Variants in CSMD1 observed in about 807,000 individuals in gnomAD.
The protein encoded by CSMD1 is CUB and Sushi multiple domains 1.
CSMD1 carries 213 observed loss-of-function variants against 417.5 expected under a neutral mutation model. The ratio of observed to expected loss-of-function variants is 0.51; its 90% CI spans 0.46 to 0.57. The LOEUF (loss-of-function observed/expected upper bound fraction) is 0.57, where lower values mean the gene tolerates loss of function less well. Among genes scored for constraint, CSMD1 ranks in the 20% least tolerant of loss-of-function variants. The pLI is 0.00. For missense variants in CSMD1, 6,923 were observed against 4,529.7 expected (o/e 1.53, Z -15.17); for synonymous variants, 2,862 against 1,736.8 (o/e 1.65, Z -16.11).
intron 10 of CSMD1, among the ~76,000 whole-genome samples, chr8:3,509,703 G>A (rs1394636131): frequency 6.6e-6 from 1 of 152,100 alleles, no homozygotes; most frequent in Non-Finnish European, 1.5e-5. Context: ...CAACTGCAGG[G>A]CTATTTGCTT....
At chr8:3,542,363 ATTAG>A (rs1166969083) in intron 10 of CSMD1, among the ~76,000 whole-genome samples, 1 of 152,166 alleles carries the variant, frequency 6.6e-6, no homozygotes, top group East Asian at 1.9e-4. Flanking sequence ...AAGATAGGTA[ATTAG>A]TTATTTTATT....
In CSMD1 at chr8:3,772,213, CA is replaced by C. The variant is rs1563063707; in HGVS notation, c.819-18172del. 9.1e-5 allele frequency among the ~76,000 whole-genome samples: 12 copies of C among 132,112 alleles called. 1 individual carries two copies. Among genetic ancestry groups the C allele is most frequent in the African/African-American group, 3.0e-4 (11 of 36,676 alleles). 86.7% of individuals were successfully genotyped at this position (132,112 alleles called of 152,430 possible). On this transcript the variant is annotated intron_variant, in intron 5 of 69. Coordinates refer to ENST00000635120, the MANE Select transcript of CSMD1 (RefSeq NM_033225.6). ...ATACACACACACACACACACACACACACATATAATACACACACATATTTATA... is the reference window on the plus strand; with the variant it reads ...ATACACACACACACACACACACACACCATATAATACACACACATATTTATA...
intron 3 of CSMD1, among the ~76,000 whole-genome samples, chr8:4,123,420 G>A (rs962750167): frequency 2.0e-5 from 3 of 152,078 alleles, no homozygotes; most frequent in Non-Finnish European, 2.9e-5. Flanking sequence ...TTGCTTTACT[G>A]TTTCTTAAAT....
At position 3,078,997 on chromosome 8, in the gene CSMD1, A is replaced by C. The variant is rs536820588; in HGVS notation, c.7474+8100T>G. 1.1e-4 allele frequency among the ~76,000 whole-genome samples: 16 copies of C among 152,288 alleles called. No homozygotes were observed. In the South Asian group the frequency reaches 3.1e-3, roughly 30 times the overall value. On this transcript the variant is annotated intron_variant, in intron 49 of 69. Coordinates refer to ENST00000635120, the MANE Select transcript of CSMD1 (RefSeq NM_033225.6). The stretch of plus-strand genomic sequence containing the variant: ...GGGGAGCACCTTTATGCCCATTTGC[A>C]GATAAAGAACTTCAGTGAAGTCACT...
intron 37 of CSMD1, among the ~76,000 whole-genome samples, chr8:3,172,175 C>T (rs1380665162): frequency 1.3e-5 from 2 of 152,158 alleles, no homozygotes; most frequent in African/African-American, 2.4e-5. Flanking sequence ...GCTCTTGCCC[C>T]CTTTTTCAAC....
intron 2 of CSMD1, among the ~76,000 whole-genome samples, chr8:4,444,968 A>T (rs566066754): frequency 6.6e-6 from 1 of 152,212 alleles, no homozygotes; most frequent in African/African-American, 2.4e-5. Context: ...CCACTGTGTT[A>T]AAGAAATGTT....
At chr8:3,431,883 G>C (rs1044282473) in intron 12 of CSMD1, among the ~76,000 whole-genome samples, 5 of 152,216 alleles carry the variant, frequency 3.3e-5, no homozygotes, top group African/African-American at 1.2e-4. Flanking sequence ...TAAGATATCG[G>C]CTGCTCTTCT....
intron 26 of CSMD1, among the ~76,000 whole-genome samples, chr8:3,256,321 A>G (rs76965489): frequency 2.1e-5 from 2 of 96,424 alleles, no homozygotes; most frequent in African/African-American, 7.0e-5. Flanking sequence ...AAAAAAAAAA[A>G]AAAAGAGAAG....
chr8:4,828,745 G>A (rs1014093243), intron 1 of CSMD1, among the ~76,000 whole-genome samples: 2 of 152,086 alleles, frequency 1.3e-5, no homozygotes. Context: ...TCATTTGGAG[G>A]TACATTACCT....
chr8:4,387,759 C>G (rs1803554121), intron 3 of CSMD1, among the ~76,000 whole-genome samples: 1 of 151,944 alleles, frequency 6.6e-6, no homozygotes. Flanking sequence ...TTCAAAAATC[C>G]TATCTGAAGG....
chr8:4,705,081 G>T (rs916438398), intron 1 of CSMD1, among the ~76,000 whole-genome samples: 1 of 152,010 alleles, frequency 6.6e-6, no homozygotes, highest in East Asian at 1.9e-4. Context: ...CAGATATGAT[G>T]GTTTTATAAG....
At chr8:3,689,172 A>G (rs1449709309) in intron 7 of CSMD1, among the ~76,000 whole-genome samples, 1 of 152,200 alleles carries the variant, frequency 6.6e-6, no homozygotes, top group African/African-American at 2.4e-5. Context: ...GGTTGGGAAC[A>G]TGTCATGACT....
chr8:4,788,576 T>A (rs933281866), intron 1 of CSMD1: 7 of 1,316,082 alleles, frequency 5.3e-6, no homozygotes, highest in African/African-American at 1.5e-5. Context: ...AATCAGAGAA[T>A]GTAATTTATA....
At chr8:4,337,891 A>T (rs1178953514) in intron 3 of CSMD1, among the ~76,000 whole-genome samples, 2 of 152,154 alleles carry the variant, frequency 1.3e-5, no homozygotes, top group African/African-American at 4.8e-5. Flanking sequence ...CTTCAGCTTA[A>T]GACAAAATGA....
intron 4 of CSMD1, among the ~76,000 whole-genome samples, chr8:4,011,824 C>T (rs924720730): frequency 6.6e-6 from 1 of 152,108 alleles, no homozygotes; most frequent in South Asian, 2.1e-4. Flanking sequence ...ATAATATGTG[C>T]ACAGTCATCT....
chr8:4,026,132 T>C (rs1017655022), intron 4 of CSMD1, among the ~76,000 whole-genome samples: 25 of 152,278 alleles, frequency 1.6e-4, no homozygotes, highest in African/African-American at 6.0e-4. Flanking sequence ...ATGGTTGAAA[T>C]TTACATCTCT....
intron 5 of CSMD1, among the ~76,000 whole-genome samples, chr8:3,777,863 C>T (rs1798976912): frequency 6.7e-6 from 1 of 150,112 alleles, no homozygotes; most frequent in East Asian, 2.0e-4. Context: ...TCAGTTCCCA[C>T]TCCAGACCCG....
At chr8:4,433,560 T>A (rs566934483) in intron 2 of CSMD1, among the ~76,000 whole-genome samples, 2 of 152,070 alleles carry the variant, frequency 1.3e-5, no homozygotes, top group African/African-American at 2.4e-5. Context: ...GAAGCAGACA[T>A]GTGCTGCAAC....
intron 8 of CSMD1, among the ~76,000 whole-genome samples, chr8:3,596,093 A>G (rs1213685857): frequency 6.6e-6 from 1 of 152,196 alleles, no homozygotes; most frequent in South Asian, 2.1e-4. Context: ...ACTCTAGACC[A>G]AAAGGCGTTT....
Sources: gnomAD v4.1 joint callset for allele counts (sites outside exome capture counted in the v4.1 genomes callset) on GRCh38, gnomAD v4.1.1 for gene constraint, MANE v1.5 for transcripts, NCBI Gene and HGNC (gene_info 2026-07-23, HGNC 2026-07-21) for gene names.